Variants in NAPRT observed in about 807,000 individuals in gnomAD.
NAPRT encodes the protein FHA-HIT-interacting protein.
NAPRT carries 66 observed loss-of-function variants against 60.7 expected under a neutral mutation model. That is an observed-to-expected ratio of 1.09 (90% confidence interval 0.89 to 1.33). The LOEUF (loss-of-function observed/expected upper bound fraction) is 1.33. NAPRT is among the 40% of genes most tolerant of loss of function. The probability of loss-of-function intolerance (pLI) is 0.00; values close to 1 mark genes in which losing one functional copy is unlikely to be tolerated. For missense variants in NAPRT, 818 were observed against 731.5 expected (o/e 1.12, Z -1.36); for synonymous variants, 405 against 335.7 (o/e 1.21, Z -2.26).
rs1563930761 is a variant in NAPRT at position 143,575,789 on chromosome 8, CTGCCCTGGGTGGGGAAGGGGGTGGCAG to C, written c.1108-114_1108-88del. On this transcript the variant is annotated intron_variant, in intron 8 of 12. Coordinates refer to ENST00000449291, the MANE Select transcript of NAPRT (RefSeq NM_145201.6). ...GCCCTGGGTGGGGAAGGAGGTGGCA[CTGCCCTGGGTGGGGAAGGGGGTGGCAG>C]TGCCCTGGGTGGGGAAGGAGGTGCC... is the stretch of plus-strand genomic sequence containing the variant. 51 of 533,494 alleles carry C rather than the reference CTGCCCTGGGTGGGGAAGGGGGTGGCAG, an allele frequency of 9.6e-5. 1 individual carries two copies. Among genetic ancestry groups the C allele is most frequent in the Admixed American group, 8.2e-4 (18 of 22,010 alleles). 33.0% of individuals were successfully genotyped at this position (533,494 alleles called of 1,614,324 possible).
At chr8:143,575,374 G>T (rs1309727559) in intron 10 of NAPRT, 29 bp from the exon 11 acceptor site, 1 of 1,600,172 alleles carries the variant, frequency 6.2e-7, no homozygotes. Context: ...AATAAGCGGG[G>T]GCCCTGGTGC....
chr8:143,573,296 G>A (rs974842666), downstream of NAPRT, among the ~76,000 whole-genome samples: 1 of 152,344 alleles, frequency 6.6e-6, no homozygotes, highest in East Asian at 1.9e-4. Flanking sequence ...GGAGGGGGCA[G>A]TGAAGACACC....
downstream of NAPRT, among the ~76,000 whole-genome samples, chr8:143,574,408 A>G (rs949615667): frequency 1.3e-5 from 2 of 152,170 alleles, no homozygotes; most frequent in Non-Finnish European, 2.9e-5. Flanking sequence ...CAGGCGTGGG[A>G]GCCCAGGGCC....
chr8:143,576,436 C>T lies in NAPRT; in HGVS notation c.1018G>A (p.Ala340Thr), dbSNP rs1275035488. 2 of 1,602,612 alleles carry T rather than the reference C, an allele frequency of 1.2e-6. No individual in the cohort carries two copies. Among genetic ancestry groups the T allele is most frequent in the Non-Finnish European group, 8.5e-7 (1 of 1,173,688 alleles). Residue 340 changes from alanine (A) to threonine (T), a missense_variant, in exon 7 of 13, where the codon GCC becomes ACC. Ala to Thr is a moderately conservative substitution (Grantham distance 58). Transcript: ENST00000449291. ...EIRKVFRAAA[A>T]QFQVPWLESV... ...CCTCCTCCCCGGGAAACTCACTGGG[C>T]TGCAGCAGCTCGGAAGACCTTGCGG...
Position 143,575,111 on chromosome 8 carries a change from G to A in NAPRT, c.1447-18C>T. On this transcript the variant is annotated intron_variant, in intron 11 of 12. Coordinates refer to ENST00000449291, the MANE Select transcript of NAPRT (RefSeq NM_145201.6). The stretch of plus-strand genomic sequence containing the variant: ...TCACACAGCTGCAGGGAGGAGGTAA[G>A]GAAAGAGAAGCTTGGGGCTAGCTCC... 3.2e-6 allele frequency: 5 copies of A among 1,543,866 alleles called. No homozygotes were observed. The highest frequency in any genetic ancestry group is 2.4e-5 in the East Asian group (1 of 41,210).
chr8:143,576,940 C>A, intron 5 of NAPRT, 98 bp from the exon 6 acceptor site: 1 of 1,490,390 alleles, frequency 6.7e-7, no homozygotes, highest in Non-Finnish European at 9.1e-7. Context: ...GGTAATGCAG[C>A]CCGTGCCAGC....
At position 143,578,327 on chromosome 8, in the gene NAPRT, C is replaced by A; in HGVS notation, c.-9G>T. The A allele has an allele frequency of 1.5e-6, 2 of 1,348,476 alleles. No homozygotes were observed. Among genetic ancestry groups the A allele is most frequent in the Non-Finnish European group, 1.9e-6 (2 of 1,058,852 alleles). 83.5% of individuals were successfully genotyped at this position (1,348,476 alleles called of 1,614,324 possible). On this transcript the variant is annotated 5_prime_UTR_variant, in exon 1 of 13. Coordinates refer to ENST00000449291, the MANE Select transcript of NAPRT (RefSeq NM_145201.6). ...TCCTGCTCCGCCGCCATCCTGCTCC[C>A]GACGTCCGGACTCCGCCCCGCCCCG... is the stretch of plus-strand genomic sequence containing the variant.
At chr8:143,573,785 ATC>A, downstream of NAPRT, 1 of 152,132 alleles carries the variant, frequency 6.6e-6, no homozygotes, top group East Asian at 1.9e-4. Context: ...GTGAGTCTGT[ATC>A]TCTCTCCTAG....
Position 143,575,260 on chromosome 8 carries a change from G to A in NAPRT, c.1377C>T (p.Ala459=), listed in dbSNP as rs1215662150. The A allele has an allele frequency of 1.2e-6, 2 of 1,612,488 alleles. No individual in the cohort carries two copies. The highest frequency in any genetic ancestry group is 2.2e-5 in the East Asian group (1 of 44,890). The change falls in exon 11 of 13, where the codon GCC becomes GCT. Residue 459 remains alanine (A), a synonymous_variant. Coordinates refer to ENST00000449291, the MANE Select transcript of NAPRT (RefSeq NM_145201.6). ...CTGGCCTCACGGTGCAGGGCTCCTG[G>A]GCCCCTGGAGGCCACACCCTCAGCT... ...GQELRVWPPG[A]QEPCTVRPAQ... is the part of the protein sequence containing the mutation.
chr8:143,574,139 G>A (rs1013729253), downstream of NAPRT, among the ~76,000 whole-genome samples: 1 of 152,364 alleles, frequency 6.6e-6, no homozygotes, highest in South Asian at 2.1e-4. Context: ...TGCAGAGGCA[G>A]GGCCAGCCCA....
rs1824662496 is a variant in NAPRT, at chr8:143,578,236, C to T, written c.83G>A (p.Gly28Asp). 6.7e-7 allele frequency: 1 copy of T among 1,500,912 alleles called. No homozygotes were observed. The allele number at this position is 1,500,912 out of a possible 1,614,324, so 93.0% of individuals were successfully genotyped here. A position where few individuals can be genotyped will look rare whatever the true frequency, so the allele number is the denominator to read the frequency against. Residue 28 changes from glycine to aspartate, a missense_variant, in exon 1 of 13, where the codon GGC becomes GAC. Gly to Asp is a moderately conservative substitution (Grantham distance 94). Transcript: ENST00000449291. ...CCGCGCCCGGCCCGCGCGCCAATAG[C>T]CCAACGCCATGGTGGCCTGGTAGAG... ...TDLYQATMAL[G>D]YWRAGRARDA...
intron 8 of NAPRT, 41 bp from the exon 9 acceptor site, chr8:143,575,743 G>A: frequency 7.0e-7 from 1 of 1,431,142 alleles, no homozygotes; most frequent in Non-Finnish European, 9.5e-7. Context: ...AGCTGCCCTG[G>A]GTGGGGAAGG....
At chr8:143,576,602 T>C (rs779504816) in intron 6 of NAPRT, 30 bp from the exon 7 acceptor site, 3 of 1,606,072 alleles carry the variant, frequency 1.9e-6, no homozygotes, top group African/African-American at 1.3e-5. Context: ...AGTCAGAGGC[T>C]GCTGAGGTTC....
rs755905445 is a variant in NAPRT, at chr8:143,577,100, C to T, written c.646G>A (p.Val216Ile). The change falls in exon 5 of 13, where the codon GTC (valine) becomes ATC (isoleucine). Residue 216 changes from valine (V) to isoleucine (I), a missense_variant. By Grantham distance (29) the Val-to-Ile change is conservative. Transcript: ENST00000449291. ...PVAGTLAHSF[V>I]TSFSGSEVPP... ...ACCTCGCTGCCTGAAAAGGAAGTGA[C>T]GAAGGAGTGGGCCAGGGTCCCGGCC... The T allele has an allele frequency of 4.3e-6, 7 of 1,613,030 alleles. No individual in the cohort carries two copies. The highest frequency in any genetic ancestry group is 1.6e-4 in the Middle Eastern group (1 of 6,062).
Position 143,576,469 on chromosome 8 carries a change from G to A in NAPRT, c.985C>T (p.Gln329Ter). 1 of 1,612,108 alleles carries A rather than the reference G, an allele frequency of 6.2e-7. No individual in the cohort carries two copies. The highest frequency in any genetic ancestry group is 8.5e-7 in the Non-Finnish European group (1 of 1,179,454). Reference protein sequence around the residue: ...LDSGDLLQQAQEIRKVFRAAA... With the variant: ...LDSGDLLQQA ...GCTCGGAAGACCTTGCGGATCTCCT[G>A]AGCCTGCTGTAGCAGGTCACCACTG... The change falls in exon 7 of 13, where the codon CAG becomes TAG. Residue 329 changes from glutamine to a stop codon, truncating the protein, a stop_gained. Transcript: ENST00000449291. LOFTEE classifies it high-confidence loss of function.
intron 3 of NAPRT, 67 bp from the exon 4 acceptor site, chr8:143,577,466 C>T (rs1824558300): frequency 6.5e-7 from 1 of 1,528,664 alleles, no homozygotes; most frequent in South Asian, 1.2e-5. Flanking sequence ...ACGGCGGTTA[C>T]CTGGGGCCTG....
Position 143,575,347 on chromosome 8 carries a change from T to C in NAPRT, c.1292-2A>G. Reference sequence around the variant, plus strand: ...GCAGCATGTCCATGAGTGGAGACCCTGTGTGGACGGGGCAAGAATAAGCGG... The same window carrying C: ...GCAGCATGTCCATGAGTGGAGACCCCGTGTGGACGGGGCAAGAATAAGCGG... On this transcript the variant is annotated splice_acceptor_variant, in intron 10 of 12. Coordinates refer to ENST00000449291, the MANE Select transcript of NAPRT (RefSeq NM_145201.6). LOFTEE classifies it high-confidence loss of function. 1.2e-6 allele frequency: 2 copies of C among 1,609,330 alleles called. No individual in the cohort carries two copies. The highest frequency in any genetic ancestry group is 1.1e-5 in the South Asian group (1 of 90,986).
At chr8:143,578,045 G>A in intron 1 of NAPRT, 48 bp downstream of exon 1, 3 of 1,507,046 alleles carry the variant, frequency 2.0e-6, no homozygotes, top group Non-Finnish European at 2.7e-6. Flanking sequence ...GCCATAGGTG[G>A]GGGTTTCTGC....
At position 143,578,293 on chromosome 8, in the gene NAPRT, G is replaced by T; in HGVS notation, c.26C>A (p.Ala9Glu). MAAEQDPE[A>E]RAAARPLLTD... is the part of the protein sequence containing the mutation. Reference sequence around the variant, plus strand: ...GAGCAGCGGCCGCGCCGCCGCGCGCGCCTCGGGGTCCTGCTCCGCCGCCAT... The same window carrying T: ...GAGCAGCGGCCGCGCCGCCGCGCGCTCCTCGGGGTCCTGCTCCGCCGCCAT... The change falls in exon 1 of 13, where the codon GCG (alanine) becomes GAG (glutamate). Residue 9 changes from alanine (A) to glutamate (E), a missense_variant. Transcript: ENST00000449291. The T allele has an allele frequency of 7.1e-7, 1 of 1,402,174 alleles. No homozygotes were observed. Among genetic ancestry groups the T allele is most frequent in the Non-Finnish European group, 9.2e-7 (1 of 1,085,800 alleles). The allele number at this position is 1,402,174 out of a possible 1,614,324, so 86.9% of individuals were successfully genotyped here.
Sources: gnomAD v4.1 joint callset for allele counts (sites outside exome capture counted in the v4.1 genomes callset) on GRCh38, gnomAD v4.1.1 for gene constraint, MANE v1.5 for transcripts, NCBI Gene and HGNC (gene_info 2026-07-23, HGNC 2026-07-21) for gene names.